Variants in NCAPD2 observed in about 807,000 individuals in gnomAD.
NCAPD2 encodes condensin complex subunit 1.
In NCAPD2, 100 loss-of-function variants were observed where a neutral mutation model predicts 164.5. That is an observed-to-expected ratio of 0.61 (90% CI 0.52 to 0.72). The LOEUF is 0.72. NCAPD2 is among the 30% of genes least tolerant of loss of function. NCAPD2 has a pLI of 0.00. For missense variants in NCAPD2, 1,560 were observed against 1,749.2 expected, an observed-to-expected ratio of 0.89 and a Z score of 1.93; for synonymous variants, 585 against 642.6, an observed-to-expected ratio of 0.91 and a Z score of 1.36.
chr12:6,528,032 T>C lies in NCAPD2; in HGVS notation c.3084T>C (p.Tyr1028=). The C allele has an allele frequency of 1.2e-6, 2 of 1,614,240 alleles. No homozygotes were observed. Among genetic ancestry groups the C allele is most frequent in the Admixed American group, 1.7e-5 (1 of 60,022 alleles). The change falls in exon 24 of 32, where the codon TAT becomes TAC. Residue 1028 remains tyrosine (Y), a synonymous_variant. Transcript: ENST00000315579. This position sits in a 1 kb window ranked among gnomAD's most constrained non-coding sequence, Gnocchi z 5.1. ...LLKVCNNPGL[Y]SNPDLSAAAS... ...AAGTCTGTAACAACCCAGGCCTCTA[T>C]AGCAACCCAGACCTCTCTGCAGCTG...
chr12:6,520,911 A>C, intron 13 of NCAPD2, 75 bp from the exon 14 acceptor site: 1 of 1,595,730 alleles, frequency 6.3e-7, no homozygotes. Flanking sequence ...GACTTGATAG[A>C]ATCATGAGGT....
intron 2 of NCAPD2, among the ~76,000 whole-genome samples, chr12:6,499,025 G>A (rs1946009813): frequency 6.6e-6 from 1 of 152,076 alleles, no homozygotes; most frequent in Non-Finnish European, 1.5e-5. Flanking sequence ...TGCAACAGTT[G>A]ATCTGATAAC....
chr12:6,510,912 A>G, intron 5 of NCAPD2, 102 bp downstream of exon 5: 2 of 1,431,646 alleles, frequency 1.4e-6, no homozygotes, highest in Non-Finnish European at 9.5e-7. Flanking sequence ...TTCTGTCCTC[A>G]TTGAGAATTT....
intron 2 of NCAPD2, among the ~76,000 whole-genome samples, chr12:6,502,684 A>G (rs1049338735): frequency 3.3e-5 from 5 of 151,942 alleles, no homozygotes; most frequent in Non-Finnish European, 5.9e-5. Flanking sequence ...GTGTGGTGGC[A>G]CTGCCTGTAG....
intron 4 of NCAPD2, 162 bp downstream of exon 4, chr12:6,510,295 G>A (rs1946134220): frequency 2.3e-6 from 2 of 854,804 alleles, no homozygotes; most frequent in Admixed American, 1.7e-5. Flanking sequence ...CCTGTTAAAG[G>A]TCTGTAATCT....
chr12:6,510,519 G>A, intron 4 of NCAPD2, 110 bp from the exon 5 acceptor site: 1 of 1,290,952 alleles, frequency 7.7e-7, no homozygotes, highest in Non-Finnish European at 1.1e-6. Context: ...GCCACTGAGA[G>A]ATGAAACACA....
intron 17 of NCAPD2, among the ~76,000 whole-genome samples, chr12:6,523,789 A>C (rs2137057699): frequency 6.6e-6 from 1 of 152,364 alleles, no homozygotes; most frequent in East Asian, 1.9e-4. Context: ...CCCAACTTTA[A>C]AGGAACCAAC....
chr12:6,517,564 T>C, intron 11 of NCAPD2, 32 bp from the exon 12 acceptor site: 1 of 1,614,230 alleles, frequency 6.2e-7, no homozygotes, highest in Non-Finnish European at 8.5e-7. Context: ...ATTATGTCAT[T>C]TACTGACCCT....
rs1372629841 is a variant in NCAPD2, at chr12:6,523,255, C to T, written c.2130-7C>T. ...ATAGTGACCGCTGATCTCTGCTGTTCCCACAGAGCCAAGGCCCAGGCTTTG... is the reference window on the plus strand; with the variant it reads ...ATAGTGACCGCTGATCTCTGCTGTTTCCACAGAGCCAAGGCCCAGGCTTTG... On this transcript the variant is annotated splice_polypyrimidine_tract_variant and splice_region_variant and intron_variant, in intron 16 of 31. Transcript: ENST00000315579. 1.2e-6 allele frequency: 2 copies of T among 1,613,384 alleles called. No individual in the cohort carries two copies. The highest frequency in any genetic ancestry group is 2.2e-5 in the East Asian group (1 of 44,898).
intron 27 of NCAPD2, 190 bp downstream of exon 27, chr12:6,529,229 TTAAATACGATAAAGTTCC>T: frequency 1.6e-6 from 1 of 623,936 alleles, no homozygotes; most frequent in Admixed American, 2.9e-5. Flanking sequence ...CTTGAAAATA[TTAAATACGATAAAGTTCC>T]TAACATGGTG....
In NCAPD2 at chr12:6,516,913, C is replaced by G. The variant is rs138198563; in HGVS notation, c.1073C>G (p.Ala358Gly). Residue 358 changes from alanine to glycine, a missense_variant, in exon 10 of 32, where the codon GCC (alanine) becomes GGC (glycine). By Grantham distance (60) the Ala-to-Gly change is moderately conservative. Coordinates refer to ENST00000315579, the MANE Select transcript of NCAPD2 (RefSeq NM_014865.4). ...AGTGGCGATCAACTGGAAGCAGCAGCCCGAGACACCAGAGACCAGTTCTTG... is the reference window on the plus strand; with the variant it reads ...AGTGGCGATCAACTGGAAGCAGCAGGCCGAGACACCAGAGACCAGTTCTTG... Reference protein sequence around the residue: ...VLSGDQLEAAARDTRDQFLDT... With the variant: ...VLSGDQLEAAGRDTRDQFLDT... 28 of 1,614,028 alleles carry G rather than the reference C, an allele frequency of 1.7e-5. No homozygotes were observed. Among genetic ancestry groups the G allele is most frequent in the Non-Finnish European group, 2.2e-5 (26 of 1,180,028 alleles).
Position 6,526,897 on chromosome 12 carries a change from C to T in NCAPD2, c.2741C>T (p.Ser914Phe), listed in dbSNP as rs141629311. ...KRTSQEDPKE[S>F]PAMLPTFLLM... is the part of the protein sequence containing the mutation. ...CCCTCTCCCTCTCCTCCAGAGGAGT[C>T]CCCCGCAATGCTCCCCACTTTCCTG... Residue 914 changes from serine to phenylalanine, a missense_variant, in exon 22 of 32, where the codon TCC becomes TTC. Ser to Phe is a radical substitution (Grantham distance 155). Coordinates refer to ENST00000315579, the MANE Select transcript of NCAPD2 (RefSeq NM_014865.4). The T allele has an allele frequency of 1.2e-4, 198 of 1,610,694 alleles. No homozygotes were observed. Among genetic ancestry groups the T allele is most frequent in the Admixed American group, 5.7e-4 (34 of 59,426 alleles).
At chr12:6,496,251 G>T (rs1945983398) in intron 2 of NCAPD2, among the ~76,000 whole-genome samples, 1 of 151,754 alleles carries the variant, frequency 6.6e-6, no homozygotes, top group Non-Finnish European at 1.5e-5. Flanking sequence ...GTAGAGACGG[G>T]ATTTCACCAT....
chr12:6,529,165 C>T, intron 27 of NCAPD2, 126 bp downstream of exon 27: 1 of 779,070 alleles, frequency 1.3e-6, no homozygotes, highest in Non-Finnish European at 2.1e-6. Flanking sequence ...AACTTAGCCT[C>T]TCTTTGTGCC....
intron 17 of NCAPD2, among the ~76,000 whole-genome samples, chr12:6,524,427 G>A (rs1946295755): frequency 6.6e-6 from 1 of 151,988 alleles, no homozygotes; most frequent in Non-Finnish European, 1.5e-5. Context: ...ATTACCTGAG[G>A]TCTGAGGTCA....
chr12:6,522,807 C>T, intron 15 of NCAPD2, 21 bp from the exon 16 acceptor site: 2 of 1,611,846 alleles, frequency 1.2e-6, no homozygotes, highest in Non-Finnish European at 1.7e-6. Context: ...AGATAGGTGA[C>T]ATTTGTACAT....
Position 6,530,722 on chromosome 12 carries a change from G to A in NCAPD2, c.3869G>A (p.Arg1290Gln), listed in dbSNP as rs368324917. 9.9e-6 allele frequency: 16 copies of A among 1,613,860 alleles called. No homozygotes were observed. The highest frequency in any genetic ancestry group is 2.7e-5 in the African/African-American group (2 of 74,820). The change falls in exon 30 of 32, where the codon CGG (arginine) becomes CAG (glutamine). Residue 1290 changes from arginine (R) to glutamine (Q), a missense_variant. Physicochemically the swap from Arg to Gln is conservative, Grantham distance 43. Coordinates refer to ENST00000315579, the MANE Select transcript of NCAPD2 (RefSeq NM_014865.4). ...ATAGATGAATTTGAGCAGAAGCTTC[G>A]GGCCTGTCATACCAGAGGTTTGGAT... ...AIIDEFEQKL[R>Q]ACHTRGLDGI...
At position 6,523,364 on chromosome 12, in the gene NCAPD2, C is replaced by G. The variant is rs1205972892; in HGVS notation, c.2214+18C>G. The G allele has an allele frequency of 2.1e-6, 3 of 1,425,678 alleles. No individual in the cohort carries two copies. The highest frequency in any genetic ancestry group is 3.7e-5 in the Admixed American group (2 of 54,600). The allele number at this position is 1,425,678 out of a possible 1,614,324, so 88.3% of individuals were successfully genotyped here. A position where few individuals can be genotyped will look rare whatever the true frequency, so the allele number is the denominator to read the frequency against. The stretch of plus-strand genomic sequence containing the variant: ...AGGAAATTGTAAGGCTTCCTGCTTT[C>G]TCTTTCTTTATTCATTCAACAAGTA... On this transcript the variant is annotated intron_variant, in intron 17 of 31. Transcript: ENST00000315579.
rs1422406184 is a variant in NCAPD2 at position 6,511,260 on chromosome 12, G to A, written c.587+8G>A. ...TGAAGAAGAATTTGTCAGGTGGGTA[G>A]GGAGGATGGCTACAGATAATACTGA... is the stretch of plus-strand genomic sequence containing the variant. On this transcript the variant is annotated splice_region_variant and intron_variant, in intron 6 of 31. Transcript: ENST00000315579. 2.5e-6 allele frequency: 4 copies of A among 1,614,020 alleles called. No individual in the cohort carries two copies. Among genetic ancestry groups the A allele is most frequent in the Non-Finnish European group, 3.4e-6 (4 of 1,179,936 alleles).
Sources: gnomAD v4.1 joint callset for allele counts (sites outside exome capture counted in the v4.1 genomes callset) on GRCh38, gnomAD v4.1.1 for gene constraint, Gnocchi (gnomAD v3.1) non-coding constraint, MANE v1.5 for transcripts, NCBI Gene and HGNC (gene_info 2026-07-23, HGNC 2026-07-21) for gene names.